SCN8A: variants seen among roughly 807,000 people sequenced by gnomAD.
The protein encoded by SCN8A is sodium voltage-gated channel alpha subunit 8.
In SCN8A, 30 loss-of-function variants were observed where a neutral mutation model predicts 184.1. The ratio of observed to expected loss-of-function variants is 0.16; its 90% CI spans 0.12 to 0.22. The LOEUF is 0.22. Among genes scored for constraint, SCN8A ranks in the 10% least tolerant of loss-of-function variants. The pLI is 1.00. For synonymous variants in SCN8A, 852 were observed against 907.0 expected, an observed-to-expected ratio of 0.94 and a Z score of 1.09; for missense variants, 1,057 against 2,498.9, an observed-to-expected ratio of 0.42 and a Z score of 12.30.
At chr12:51,781,349 G>A (rs1408482847) in intron 21 of SCN8A, among the ~76,000 whole-genome samples, 1 of 152,104 alleles carries the variant, frequency 6.6e-6, no homozygotes, top group Non-Finnish European at 1.5e-5. Flanking sequence ...TCTCAGCCCA[G>A]TCCCAAATGG....
intron 12 of SCN8A, among the ~76,000 whole-genome samples, chr12:51,743,388 GC>G (rs1346003485): frequency 6.6e-6 from 1 of 152,128 alleles, no homozygotes; most frequent in Admixed American, 6.6e-5. Flanking sequence ...AGGAATTTGA[GC>G]CCCGAGTCCA....
At chr12:51,747,916 G>A (rs1942538594) in intron 13 of SCN8A, among the ~76,000 whole-genome samples, 1 of 151,532 alleles carries the variant, frequency 6.6e-6, no homozygotes, top group African/African-American at 2.4e-5. Flanking sequence ...AGATGTAGTT[G>A]TGTTCCTGAA....
At chr12:51,625,969 C>T (rs1940068820) in intron 1 of SCN8A, among the ~76,000 whole-genome samples, 1 of 152,096 alleles carries the variant, frequency 6.6e-6, no homozygotes, top group African/African-American at 2.4e-5. Context: ...TGGTCAATGT[C>T]ATTGAAAGGA....
chr12:51,612,421 A>G (rs1432949481), intron 1 of SCN8A, among the ~76,000 whole-genome samples: 1 of 152,184 alleles, frequency 6.6e-6, no homozygotes, highest in Non-Finnish European at 1.5e-5. Flanking sequence ...ACCTTGGCCT[A>G]CCAAAGTACT....
In SCN8A at chr12:51,761,549, C is replaced by A. The variant is rs554538368; in HGVS notation, c.2371-954C>A. ...GGAGTGCAGTGGCATGATCCACTGC[C>A]CTCCAGGTTGGCTCACTGCAACCTC... On this transcript the variant is annotated intron_variant, in intron 14 of 26. Transcript: ENST00000627620. 1.1e-3 allele frequency among the ~76,000 whole-genome samples: 172 copies of A among 151,414 alleles called. No individual in the cohort carries two copies. In the Middle Eastern group the frequency reaches 0.014, roughly 12 times the overall value.
chr12:51,763,662 T>G (rs1330847185), intron 15 of SCN8A, among the ~76,000 whole-genome samples: 1 of 152,236 alleles, frequency 6.6e-6, no homozygotes, highest in Non-Finnish European at 1.5e-5. Flanking sequence ...TCTGAAAGAA[T>G]AGTTAATGGT....
rs1937889604 is a variant in SCN8A at position 51,780,636 on chromosome 12, T to TTTTTG, written c.3820-13_3820-12insTTTTG. ...CTTTTTTGTTTTTGTTTTTCTCTTC[T>TTTTTG]GTTTCTGTGTAGGTCTCTTTAGTCA... On this transcript the variant is annotated splice_polypyrimidine_tract_variant and intron_variant, in intron 20 of 26. Coordinates refer to ENST00000627620, the MANE Select transcript of SCN8A (RefSeq NM_001330260.2). The TTTTTG allele has an allele frequency of 7.3e-7, 1 of 1,366,524 alleles. No homozygotes were observed. 84.6% of individuals were successfully genotyped at this position (1,366,524 alleles called of 1,614,324 possible). A position where few individuals can be genotyped will look rare whatever the true frequency, so the allele number is the denominator to read the frequency against.
chr12:51,695,488 G>C (rs1941578662), intron 6 of SCN8A, among the ~76,000 whole-genome samples: 1 of 152,186 alleles, frequency 6.6e-6, no homozygotes, highest in Non-Finnish European at 1.5e-5. Flanking sequence ...TCAGATTAGT[G>C]GGGGTCATCT....
chr12:51,612,700 C>T (rs542508248), intron 1 of SCN8A, among the ~76,000 whole-genome samples: 1 of 152,128 alleles, frequency 6.6e-6, no homozygotes, highest in South Asian at 2.1e-4. Context: ...GTGATGTATT[C>T]TCCTATATTG....
intron 1 of SCN8A, among the ~76,000 whole-genome samples, chr12:51,618,194 T>G (rs1038341861): frequency 3.3e-5 from 5 of 152,144 alleles, no homozygotes; most frequent in African/African-American, 1.2e-4. Context: ...TCCTGTGCTC[T>G]TGGGATCCCA....
At chr12:51,613,697 C>T (rs1001490459) in intron 1 of SCN8A, among the ~76,000 whole-genome samples, 3 of 151,754 alleles carry the variant, frequency 2.0e-5, no homozygotes, top group Non-Finnish European at 4.4e-5. Context: ...TGAGACCTTT[C>T]TTCTTTTCTA....
At chr12:51,624,279 T>G (rs971658784) in intron 1 of SCN8A, among the ~76,000 whole-genome samples, 1 of 152,198 alleles carries the variant, frequency 6.6e-6, no homozygotes, top group Non-Finnish European at 1.5e-5. Context: ...ACCTGTTGTT[T>G]CCTGACTTTT....
Position 51,756,215 on chromosome 12 carries a change from G to A in SCN8A, c.2370+4622G>A, listed in dbSNP as rs191189773. On this transcript the variant is annotated intron_variant, in intron 14 of 26. Coordinates refer to ENST00000627620, the MANE Select transcript of SCN8A (RefSeq NM_001330260.2). Reference sequence around the variant, plus strand: ...CGTCACCCTGCTCATGCTGCCATCTGTCTGTGTGAACACTCCTGGAAGTTC... The same window carrying A: ...CGTCACCCTGCTCATGCTGCCATCTATCTGTGTGAACACTCCTGGAAGTTC... Among the ~76,000 whole-genome samples the A allele has an allele frequency of 1.6e-3, 244 of 152,184 alleles. 2 individuals are homozygous for A. The highest frequency in any genetic ancestry group is 3.3e-3 in the Non-Finnish European group (222 of 67,998).
At chr12:51,728,080 A>G (rs1482959789) in intron 12 of SCN8A, among the ~76,000 whole-genome samples, 2 of 152,220 alleles carry the variant, frequency 1.3e-5, no homozygotes, top group Admixed American at 6.5e-5. Flanking sequence ...TTTTCCTGGT[A>G]GTACAGATAT....
At chr12:51,670,879 C>T (rs1427023045) in intron 2 of SCN8A, among the ~76,000 whole-genome samples, 3 of 152,138 alleles carry the variant, frequency 2.0e-5, no homozygotes, top group Non-Finnish European at 2.9e-5. Flanking sequence ...TATGCCGGGG[C>T]TCTGTTCCGT....
chr12:51,610,838 G>A (rs1248638512), intron 1 of SCN8A, among the ~76,000 whole-genome samples: 1 of 152,124 alleles, frequency 6.6e-6, no homozygotes, highest in Non-Finnish European at 1.5e-5. Flanking sequence ...TCTTTCCTTT[G>A]TCTTCCACAC....
intron 1 of SCN8A, among the ~76,000 whole-genome samples, chr12:51,592,929 G>C (rs962885838): frequency 2.0e-5 from 3 of 151,948 alleles, no homozygotes; most frequent in Non-Finnish European, 2.9e-5. Context: ...TGTGGAGGGG[G>C]GGATGTTGTG....
chr12:51,627,175 A>G (rs1042330813), intron 1 of SCN8A, among the ~76,000 whole-genome samples: 29 of 152,178 alleles, frequency 1.9e-4, no homozygotes, highest in Non-Finnish European at 3.7e-4. Flanking sequence ...TTTTGTTGTT[A>G]ACATATACAC....
intron 1 of SCN8A, among the ~76,000 whole-genome samples, chr12:51,634,066 AG>A (rs1290746090): frequency 6.6e-6 from 1 of 152,234 alleles, no homozygotes; most frequent in Non-Finnish European, 1.5e-5. Flanking sequence ...TCACAACAGG[AG>A]AGTGGATAAA....
Sources: gnomAD v4.1 joint callset for allele counts (sites outside exome capture counted in the v4.1 genomes callset) on GRCh38, gnomAD v4.1.1 for gene constraint, MANE v1.5 for transcripts, NCBI Gene and HGNC (gene_info 2026-07-23, HGNC 2026-07-21) for gene names.